Variants in FAM163A observed in about 807,000 individuals in gnomAD.
The protein encoded by FAM163A is protein FAM163A.
FAM163A carries 7 observed loss-of-function variants against 12.0 expected under a neutral mutation model. That is an observed-to-expected ratio of 0.58 (90% CI 0.33 to 1.10). The LOEUF is 1.10. Among genes scored for constraint, FAM163A ranks in the 50% least tolerant of loss-of-function variants. FAM163A has a pLI of 0.03. For missense variants in FAM163A, 202 were observed against 218.6 expected, an observed-to-expected ratio of 0.92 and a Z score of 0.48; for synonymous variants, 101 against 91.0, an observed-to-expected ratio of 1.11 and a Z score of -0.62.
At chr1:179,783,881 G>T (rs1321871036) in intron 1 of FAM163A, among the ~76,000 whole-genome samples, 1 of 126,520 alleles carries the variant, frequency 7.9e-6, no homozygotes, top group Non-Finnish European at 1.8e-5. Flanking sequence ...GTAAAAAAGA[G>T]AAACTAAAAT....
At chr1:179,752,175 G>A (rs1685363418) in intron 1 of FAM163A, among the ~76,000 whole-genome samples, 1 of 152,116 alleles carries the variant, frequency 6.6e-6, no homozygotes, top group Non-Finnish European at 1.5e-5. Flanking sequence ...TTTGACAAGA[G>A]TGCCAAGAAT....
At chr1:179,751,892 A>C (rs974699699) in intron 1 of FAM163A, among the ~76,000 whole-genome samples, 3 of 152,214 alleles carry the variant, frequency 2.0e-5, no homozygotes, top group Non-Finnish European at 2.9e-5. Flanking sequence ...ATCCAAAGTG[A>C]TTGGCAGATA....
intron 1 of FAM163A, among the ~76,000 whole-genome samples, chr1:179,749,935 C>T (rs959037017): frequency 6.6e-6 from 1 of 152,082 alleles, no homozygotes; most frequent in Non-Finnish European, 1.5e-5. Flanking sequence ...GTTAAGAAAA[C>T]TTTATGAACA....
At position 179,814,152 on chromosome 1, in the gene FAM163A, C is replaced by G. The variant is rs11589593; in HGVS notation, c.467C>G (p.Ala156Gly). The G allele has an allele frequency of 2.1e-3, 3,418 of 1,614,170 alleles. 6 individuals are homozygous for G. The highest frequency in any genetic ancestry group is 2.6e-3 in the Non-Finnish European group (3,099 of 1,180,030). The change falls in exon 5 of 5, where the codon GCC becomes GGC. Residue 156 changes from alanine to glycine, a missense_variant. Transcript: ENST00000341785. ...ACCTGGCCAGGCTCTGGGCGTGAGG[C>G]CTTCACCAATCCAAGGGCTATTAGT... Reference protein sequence around the residue: ...PVTWPGSGREAFTNPRAISTD... With the variant: ...PVTWPGSGREGFTNPRAISTD...
intron 1 of FAM163A, among the ~76,000 whole-genome samples, chr1:179,778,408 A>G (rs1034826383): frequency 6.6e-5 from 10 of 152,174 alleles, no homozygotes; most frequent in Non-Finnish European, 1.3e-4. Flanking sequence ...ACAGCATTTT[A>G]TGGAATAAAA....
intron 1 of FAM163A, among the ~76,000 whole-genome samples, chr1:179,761,926 G>GA (rs930318182): frequency 6.6e-5 from 10 of 151,930 alleles, no homozygotes; most frequent in African/African-American, 2.2e-4. Flanking sequence ...TAGAGCTGTT[G>GA]AAACGGAGAC....
intron 1 of FAM163A, among the ~76,000 whole-genome samples, chr1:179,782,711 G>A (rs1022160122): frequency 6.6e-6 from 1 of 152,200 alleles, no homozygotes; most frequent in Non-Finnish European, 1.5e-5. Context: ...ATTAGAGCCA[G>A]AGCAATCATT....
intron 2 of FAM163A, among the ~76,000 whole-genome samples, chr1:179,811,519 G>A (rs1694698927): frequency 6.6e-6 from 1 of 152,148 alleles, no homozygotes; most frequent in Admixed American, 6.5e-5. Flanking sequence ...TTAGGCCTGT[G>A]GGGGGCCTGA....
chr1:179,756,263 G>C (rs1686006912), intron 1 of FAM163A, among the ~76,000 whole-genome samples: 1 of 152,198 alleles, frequency 6.6e-6, no homozygotes, highest in Non-Finnish European at 1.5e-5. Context: ...TAACTATCTA[G>C]TCAAGAGGTA....
intron 1 of FAM163A, among the ~76,000 whole-genome samples, chr1:179,768,870 C>T (rs1456092866): frequency 6.6e-6 from 1 of 152,142 alleles, no homozygotes; most frequent in Non-Finnish European, 1.5e-5. Context: ...TCCCAAAGTG[C>T]TGGGATTACA....
chr1:179,797,164 T>G (rs890534215), intron 1 of FAM163A, among the ~76,000 whole-genome samples: 1 of 152,130 alleles, frequency 6.6e-6, no homozygotes, highest in African/African-American at 2.4e-5. Context: ...GAAATAAGAT[T>G]TGCCAGGTGC....
intron 1 of FAM163A, among the ~76,000 whole-genome samples, chr1:179,768,316 C>T (rs184399064): frequency 5.8e-4 from 89 of 152,264 alleles, no homozygotes; most frequent in Non-Finnish European, 1.9e-4. Context: ...ACAAAGACCA[C>T]ACAGTCAATA....
chr1:179,752,161 G>T (rs996515884), intron 1 of FAM163A, among the ~76,000 whole-genome samples: 2 of 152,174 alleles, frequency 1.3e-5, no homozygotes. Context: ...ACGGTCAACT[G>T]ATGTTTGACA....
intron 1 of FAM163A, among the ~76,000 whole-genome samples, chr1:179,770,195 G>A (rs1202604857): frequency 2.6e-5 from 4 of 151,672 alleles, no homozygotes; most frequent in African/African-American, 4.8e-5. Flanking sequence ...GTGAGCCACC[G>A]CGCCTGGCCT....
At chr1:179,802,094 T>G (rs1293925776) in intron 1 of FAM163A, among the ~76,000 whole-genome samples, 1 of 152,222 alleles carries the variant, frequency 6.6e-6, no homozygotes, top group East Asian at 1.9e-4. Flanking sequence ...GAAGACTAAG[T>G]TAACTATATT....
At chr1:179,776,327 C>G (rs1051639252) in intron 1 of FAM163A, among the ~76,000 whole-genome samples, 1 of 151,970 alleles carries the variant, frequency 6.6e-6, no homozygotes, top group African/African-American at 2.4e-5. Flanking sequence ...CCCGTCTCTA[C>G]TAAAAATACA....
the FAM163A span, among the ~76,000 whole-genome samples, chr1:179,736,580 C>T: frequency 3.0e-3 from 459 of 152,110 alleles, 6 homozygotes; most frequent in African/African-American, 0.01. Flanking sequence ...AAGGCCAAGG[C>T]GGGTGGATCA....
chr1:179,800,940 C>T (rs1693084594), intron 1 of FAM163A, among the ~76,000 whole-genome samples: 2 of 152,140 alleles, frequency 1.3e-5, no homozygotes, highest in South Asian at 4.1e-4. Flanking sequence ...TGGGGTCACA[C>T]GTTCTGCAGG....
chr1:179,813,961 G>A lies in FAM163A; in HGVS notation c.276G>A (p.Ala92=), dbSNP rs374728184. 3 of 1,613,794 alleles carry A rather than the reference G, an allele frequency of 1.9e-6. No homozygotes were observed. Among genetic ancestry groups the A allele is most frequent in the South Asian group, 1.1e-5 (1 of 91,030 alleles). The part of the protein sequence containing the change: ...EPCSQPCGVA[A]SHCTTCSPYS... ...GCAGCCAGCCCTGTGGGGTGGCCGC[G>A]AGCCACTGCACTACCTGCTCCCCAT... is the stretch of plus-strand genomic sequence containing the variant. The change falls in exon 5 of 5, where the codon GCG becomes GCA. Residue 92 remains alanine (A), a synonymous_variant. Transcript: ENST00000341785.
Sources: gnomAD v4.1 joint callset for allele counts (sites outside exome capture counted in the v4.1 genomes callset) on GRCh38, gnomAD v4.1.1 for gene constraint, MANE v1.5 for transcripts, NCBI Gene and HGNC (gene_info 2026-07-23, HGNC 2026-07-21) for gene names.